TVP23B: variants seen among roughly 807,000 people sequenced by gnomAD.
TVP23B encodes trans-golgi network vesicle protein 23 homolog B, also known as Golgi apparatus membrane protein TVP23 homolog B.
A neutral mutation model predicts 30.6 loss-of-function variants in TVP23B; 10 were observed. That is an observed-to-expected ratio of 0.33 (90% CI 0.20 to 0.55). TVP23B has a LOEUF of 0.55. Among genes scored for constraint, TVP23B ranks in the 20% least tolerant of loss-of-function variants. The probability of loss-of-function intolerance (pLI) is 0.91; values close to 1 mark genes in which losing one functional copy is unlikely to be tolerated. For missense variants in TVP23B, 153 were observed against 243.2 expected (o/e 0.63, Z 2.47); for synonymous variants, 67 against 83.1 (o/e 0.81, Z 1.06).
In TVP23B at chr17:18,805,829, T is replaced by C. The variant is rs2036242908; in HGVS notation, c.*262T>C. 7.8e-7 allele frequency: 1 copy of C among 1,286,862 alleles called. No homozygotes were observed. Among genetic ancestry groups the C allele is most frequent in the Non-Finnish European group, 9.9e-7 (1 of 1,015,110 alleles). 79.7% of individuals were successfully genotyped at this position (1,286,862 alleles called of 1,614,324 possible). On this transcript the variant is annotated 3_prime_UTR_variant, in exon 7 of 7. Coordinates refer to ENST00000307767, the MANE Select transcript of TVP23B (RefSeq NM_016078.6). ...TGTAGGTATGCACATTCCATAGGTA[T>C]GCACACGGCCATGTAATATCAGTAT...
chr17:18,801,589 C>T (rs1056677931), intron 5 of TVP23B, among the ~76,000 whole-genome samples: 5 of 152,030 alleles, frequency 3.3e-5, no homozygotes, highest in South Asian at 2.1e-4. Context: ...CCTGGTTTTG[C>T]GTTCTCTTCC....
intron 5 of TVP23B, among the ~76,000 whole-genome samples, chr17:18,803,704 A>G (rs942319542): frequency 1.1e-4 from 16 of 152,172 alleles, no homozygotes; most frequent in African/African-American, 2.9e-4. Flanking sequence ...ATTCACCCCT[A>G]CCTGCTCTCA....
chr17:18,796,143 G>A (rs1333113313), intron 3 of TVP23B: 2 of 151,532 alleles, frequency 1.3e-5, no homozygotes, highest in Non-Finnish European at 2.9e-5. Flanking sequence ...AATGTCTGTG[G>A]TTTCTATTGT....
At chr17:18,797,408 T>A in intron 3 of TVP23B, 171 bp from the exon 4 acceptor site, 8 of 1,395,212 alleles carry the variant, frequency 5.7e-6, no homozygotes, top group Non-Finnish European at 7.7e-6. Context: ...GCCATTACCA[T>A]TTTACTTAAT....
intron 1 of TVP23B, among the ~76,000 whole-genome samples, chr17:18,785,075 G>C (rs1241193832): frequency 6.6e-6 from 1 of 152,154 alleles, no homozygotes; most frequent in Non-Finnish European, 1.5e-5. Context: ...TTGGCCTCGT[G>C]ATTAAAGTAG....
chr17:18,787,791 C>T (rs2035930965), intron 1 of TVP23B, among the ~76,000 whole-genome samples: 1 of 151,982 alleles, frequency 6.6e-6, no homozygotes, highest in African/African-American at 2.4e-5. Flanking sequence ...ATTCTGTGAT[C>T]TTCTATGCTT....
chr17:18,798,728 G>A (rs1170218538), intron 4 of TVP23B, 84 bp from the exon 5 acceptor site: 3 of 1,530,914 alleles, frequency 2.0e-6, no homozygotes, highest in Non-Finnish European at 1.8e-6. Flanking sequence ...TTGAACTTGT[G>A]GGTAATATGT....
intron 3 of TVP23B, chr17:18,796,919 T>G (rs2036085175): frequency 6.5e-6 from 1 of 153,900 alleles, no homozygotes; most frequent in Non-Finnish European, 1.4e-5. Context: ...AATTTCCCTG[T>G]TATACTCTTC....
intron 5 of TVP23B, among the ~76,000 whole-genome samples, chr17:18,803,783 C>T (rs1290037251): frequency 1.3e-5 from 2 of 152,194 alleles, no homozygotes; most frequent in African/African-American, 2.4e-5. Context: ...AACATTTGAA[C>T]CTTTCCTGAG....
chr17:18,789,605 T>C, intron 2 of TVP23B, 170 bp downstream of exon 2: 1 of 805,032 alleles, frequency 1.2e-6, no homozygotes, highest in Non-Finnish European at 1.9e-6. Context: ...CAGATTTTCT[T>C]GTGAATAATT....
chr17:18,799,073 C>T, intron 5 of TVP23B, 130 bp downstream of exon 5: 2 of 1,129,008 alleles, frequency 1.8e-6, no homozygotes, highest in Admixed American at 2.8e-5. Context: ...CATGTAATTC[C>T]CAAGTTTTGC....
intron 3 of TVP23B, among the ~76,000 whole-genome samples, chr17:18,795,577 CTT>C (rs1303627140): frequency 6.6e-6 from 1 of 152,132 alleles, no homozygotes; most frequent in Non-Finnish European, 1.5e-5. Context: ...CCATGGGTCC[CTT>C]TCATAGACTC....
intron 5 of TVP23B, 23 bp from the exon 6 acceptor site, chr17:18,804,115 G>A (rs1344926807): frequency 6.2e-7 from 1 of 1,612,678 alleles, no homozygotes. Context: ...AGTAACCATT[G>A]ATTATTTTTT....
At chr17:18,795,926 A>G (rs1365566211) in intron 3 of TVP23B, 1 of 151,486 alleles carries the variant, frequency 6.6e-6, no homozygotes, top group African/African-American at 2.4e-5. Flanking sequence ...GAAAAAATAT[A>G]GCATATATAA....
chr17:18,806,444 T>G lies in TVP23B; in HGVS notation c.*877T>G, dbSNP rs1423164142. 1 of 336,772 alleles carries G rather than the reference T, an allele frequency of 3.0e-6. No individual in the cohort carries two copies. Among genetic ancestry groups the G allele is most frequent in the Non-Finnish European group, 4.2e-6 (1 of 238,806 alleles). 20.9% of individuals were successfully genotyped at this position (336,772 alleles called of 1,614,324 possible). ...TTGCTATAATGGGGATATTGTAAAT[T>G]ATGCATTTGTATTAATGGTATTTCT... On this transcript the variant is annotated 3_prime_UTR_variant, in exon 7 of 7. Transcript: ENST00000307767.
At chr17:18,784,123 C>T (rs571497427) in intron 1 of TVP23B, among the ~76,000 whole-genome samples, 17 of 149,012 alleles carry the variant, frequency 1.1e-4, no homozygotes, top group African/African-American at 2.8e-4. Context: ...CCAGCCTGGG[C>T]GACAGAGCCA....
Position 18,805,760 on chromosome 17 carries a change from A to C in TVP23B, c.*193A>C. The C allele has an allele frequency of 7.0e-7, 1 of 1,431,622 alleles. No individual in the cohort carries two copies. Among genetic ancestry groups the C allele is most frequent in the Admixed American group, 3.0e-5 (1 of 32,954 alleles). 88.7% of individuals were successfully genotyped at this position (1,431,622 alleles called of 1,614,324 possible). On this transcript the variant is annotated 3_prime_UTR_variant, in exon 7 of 7. Coordinates refer to ENST00000307767, the MANE Select transcript of TVP23B (RefSeq NM_016078.6). ...TCCTTTCCAGCAGTTGGGGCTAGAAAGTATGTGTTGGCACTAGAAACATTG... is the reference window on the plus strand; with the variant it reads ...TCCTTTCCAGCAGTTGGGGCTAGAACGTATGTGTTGGCACTAGAAACATTG...
chr17:18,797,077 C>T (rs2036087925), intron 3 of TVP23B: 1 of 167,302 alleles, frequency 6.0e-6, no homozygotes, highest in Non-Finnish European at 1.3e-5. Context: ...ATAGTAGATG[C>T]TCAGTAAATA....
Position 18,784,649 on chromosome 17 carries a change from C to CAA in TVP23B, c.12+3351_12+3352dup, listed in dbSNP as rs199795410. Among the ~76,000 whole-genome samples the CAA allele has an allele frequency of 7.5e-3, 1,137 of 151,422 alleles. 7 individuals carry two copies. Among genetic ancestry groups the CAA allele is most frequent in the Non-Finnish European group, 0.011 (756 of 67,816 alleles). On this transcript the variant is annotated intron_variant, in intron 1 of 6. Transcript: ENST00000307767. ...CTGGCGACAGAGCGAGACTCCGTCT[C>CAA]AAAAAAAAGAAAAAAAATACAGTGG...
Sources: allele counts gnomAD v4.1 joint callset (sites outside exome capture counted in the v4.1 genomes callset), GRCh38; gene constraint gnomAD v4.1.1; transcripts MANE v1.5; gene names NCBI Gene and HGNC (gene_info 2026-07-23, HGNC 2026-07-21).